MATN3: variants seen among roughly 807,000 people sequenced by gnomAD.
MATN3 encodes matrilin 3.
Under a neutral mutation model 45.3 loss-of-function variants are expected in MATN3, and 48 were observed. The ratio of observed to expected loss-of-function variants is 1.06; its 90% CI spans 0.84 to 1.35. MATN3 has a LOEUF of 1.35. MATN3 is among the 40% of genes most tolerant of loss of function. MATN3 has a pLI of 0.00. For missense variants in MATN3, 599 were observed against 628.0 expected (o/e 0.95, Z 0.49); for synonymous variants, 217 against 245.9 (o/e 0.88, Z 1.10).
chr2:20,006,204 G>A lies in MATN3; in HGVS notation c.330C>T (p.Ile110=), dbSNP rs201755444. 3.3e-4 allele frequency: 533 copies of A among 1,613,468 alleles called. 1 individual carries two copies. The Middle Eastern group carries it at 3.5e-3, about 10-fold the overall frequency. Residue 110 remains isoleucine, a synonymous_variant, in exon 2 of 8, where the codon ATC becomes ATT. Transcript: ENST00000407540. Reference sequence around the variant, plus strand: ...CGGCTGGCCCAATGTCCAGAGTGTCGATTATCCGGGAGACAAAAGTTTTCA... The same window carrying A: ...CGGCTGGCCCAATGTCCAGAGTGTCAATTATCCGGGAGACAAAAGTTTTCA... ...TKVKTFVSRI[I]DTLDIGPADT... is the part of the protein sequence containing the mutation.
intron 6 of MATN3, among the ~76,000 whole-genome samples, chr2:19,994,675 A>C (rs958128265): frequency 6.6e-6 from 1 of 152,198 alleles, no homozygotes; most frequent in Non-Finnish European, 1.5e-5. Context: ...TATTCTCTGT[A>C]CTTTTGTGAT....
chr2:19,996,044 C>T (rs1017283030), intron 6 of MATN3, among the ~76,000 whole-genome samples: 9 of 152,110 alleles, frequency 5.9e-5, no homozygotes, highest in East Asian at 3.9e-4. Context: ...CAGTGTCTGT[C>T]GTGCCTGATA....
In MATN3 at chr2:19,997,156, A is replaced by G. The variant is rs746429042; in HGVS notation, c.1272T>C (p.Asn424=). 7.4e-6 allele frequency: 12 copies of G among 1,613,826 alleles called. No homozygotes were observed. The highest frequency in any genetic ancestry group is 9.3e-6 in the Non-Finnish European group (11 of 1,179,844). The change falls in exon 6 of 8, where the codon AAT becomes AAC. Residue 424 remains asparagine (N), a synonymous_variant. Transcript: ENST00000407540. ...CACCTGAACATGTTTTCTTGTCCTC[A>G]TTTAAGGTGTAGCCAGGATAGCAAT... ...HCDCYPGYTL[N]EDKKTCSATE... is the part of the protein sequence containing the mutation.
In MATN3 at chr2:19,992,464, C is replaced by T. The variant is rs1672776713; in HGVS notation, c.*647G>A. 1 of 152,118 alleles carries T rather than the reference C, an allele frequency of 6.6e-6. No individual in the cohort carries two copies. Among genetic ancestry groups the T allele is most frequent in the Non-Finnish European group, 1.5e-5 (1 of 67,990 alleles). The allele number at this position is 152,118 out of a possible 1,614,324, so 9.4% of individuals were successfully genotyped here. A position where few individuals can be genotyped will look rare whatever the true frequency, so the allele number is the denominator to read the frequency against. On this transcript the variant is annotated 3_prime_UTR_variant, in exon 8 of 8. Transcript: ENST00000407540. ...TAAAAAGTTTAACACCCTAAATTCA[C>T]AACTAGTGCTCTTTAGTAGTACATT...
chr2:19,992,122 G>C lies in MATN3; in HGVS notation c.*989C>G, dbSNP rs1672769474. 1.3e-5 allele frequency: 2 copies of C among 152,016 alleles called. No homozygotes were observed. The highest frequency in any genetic ancestry group is 2.9e-5 in the Non-Finnish European group (2 of 67,986). The allele number at this position is 152,016 out of a possible 1,614,324, so 9.4% of individuals were successfully genotyped here. On this transcript the variant is annotated 3_prime_UTR_variant, in exon 8 of 8. Coordinates refer to ENST00000407540, the MANE Select transcript of MATN3 (RefSeq NM_002381.5). ...AAAATAGACATGATAATATGTAAAG[G>C]TAATAACTTTTATTATATTAAAGAC...
chr2:20,001,604 G>A (rs1479096941), intron 4 of MATN3, among the ~76,000 whole-genome samples: 3 of 152,116 alleles, frequency 2.0e-5, no homozygotes, highest in Non-Finnish European at 4.4e-5. Flanking sequence ...CTTAGTTAAG[G>A]TGATGTCTGC....
At chr2:19,993,196 ATTTT>A in intron 7 of MATN3, 30 bp from the exon 8 acceptor site, 1 of 1,499,618 alleles carries the variant, frequency 6.7e-7, no homozygotes, top group Non-Finnish European at 9.3e-7. Context: ...AACACCATTT[ATTTT>A]TACACATTAG....
Position 19,992,991 on chromosome 2 carries a change from A to T in MATN3, c.*120T>A. On this transcript the variant is annotated 3_prime_UTR_variant, in exon 8 of 8. Coordinates refer to ENST00000407540, the MANE Select transcript of MATN3 (RefSeq NM_002381.5). ...ACAATTTATCCAGTAATATTCAAGCATTAATACAGATAATGGCAAATTATT... is the reference window on the plus strand; with the variant it reads ...ACAATTTATCCAGTAATATTCAAGCTTTAATACAGATAATGGCAAATTATT... 1.3e-6 allele frequency: 1 copy of T among 775,388 alleles called. No individual in the cohort carries two copies. Among genetic ancestry groups the T allele is most frequent in the East Asian group, 2.5e-5 (1 of 39,830 alleles). 48.0% of individuals were successfully genotyped at this position (775,388 alleles called of 1,614,324 possible).
chr2:19,997,359 G>T (rs1367294024), intron 5 of MATN3, 100 bp from the exon 6 acceptor site: 2 of 1,302,470 alleles, frequency 1.5e-6, no homozygotes, highest in South Asian at 1.5e-5. Flanking sequence ...CCCCACAAGT[G>T]CTGAGAATGT....
At position 20,002,161 on chromosome 2, in the gene MATN3, T is replaced by TACACACACACACACACACACAC. The variant is rs35083474; in HGVS notation, c.917-103_917-82dup. ...TTGTGGGCCACGCCACTTACAGTTATACACACACACACACACACACACACA... is the reference window on the plus strand; with the variant it reads ...TTGTGGGCCACGCCACTTACAGTTATACACACACACACACACACACACACACACACACACACACACACACACA... On this transcript the variant is annotated intron_variant, in intron 3 of 7. Coordinates refer to ENST00000407540, the MANE Select transcript of MATN3 (RefSeq NM_002381.5). The TACACACACACACACACACACAC allele has an allele frequency of 3.9e-5, 25 of 647,674 alleles. No homozygotes were observed. In the African/African-American group the frequency reaches 4.0e-4, roughly 10 times the overall value. 40.1% of individuals were successfully genotyped at this position (647,674 alleles called of 1,614,324 possible).
At chr2:19,999,626 T>A (rs1384899774) in intron 5 of MATN3, among the ~76,000 whole-genome samples, 3 of 120,174 alleles carry the variant, frequency 2.5e-5, no homozygotes, top group Admixed American at 8.9e-5. Context: ...GGTTTCCCTT[T>A]AAAAAAAAAA....
intron 4 of MATN3, among the ~76,000 whole-genome samples, chr2:20,001,745 A>C (rs1332818911): frequency 6.6e-6 from 1 of 152,228 alleles, no homozygotes; most frequent in Non-Finnish European, 1.5e-5. Context: ...GCTACAGAGA[A>C]GGAAATGAGC....
At chr2:19,994,997 G>C (rs189031034) in intron 6 of MATN3, among the ~76,000 whole-genome samples, 1 of 152,302 alleles carries the variant, frequency 6.6e-6, no homozygotes, top group Admixed American at 6.5e-5. Context: ...GGCTGAGGCA[G>C]GAGGATCACT....
chr2:19,997,024 A>C (rs1388988649), intron 6 of MATN3, 110 bp downstream of exon 6: 7 of 1,192,830 alleles, frequency 5.9e-6, no homozygotes, highest in Non-Finnish European at 8.4e-6. Flanking sequence ...GCCACTGGAG[A>C]ATTCTGACAG....
intron 4 of MATN3, 81 bp downstream of exon 4, chr2:20,001,874 G>T: frequency 7.2e-7 from 1 of 1,381,138 alleles, no homozygotes; most frequent in Non-Finnish European, 1.0e-6. Flanking sequence ...CAACTTCCCA[G>T]TCAATGTGAC....
chr2:20,005,631 A>G, intron 2 of MATN3, 113 bp downstream of exon 2: 2 of 892,944 alleles, frequency 2.2e-6, no homozygotes, highest in South Asian at 3.7e-5. Flanking sequence ...CATTGGATAT[A>G]TTTAAGTTTT....
In MATN3 at chr2:19,995,857, T is replaced by G. The variant is rs180904900; in HGVS notation, c.1294+1277A>C. Among the ~76,000 whole-genome samples, 101 of 152,316 alleles carry G rather than the reference T, an allele frequency of 6.6e-4. 2 individuals are homozygous for G. Among genetic ancestry groups the G allele is most frequent in the Admixed American group, 5.6e-3 (86 of 15,296 alleles). On this transcript the variant is annotated intron_variant, in intron 6 of 7. Transcript: ENST00000407540. This position sits in a 1 kb window ranked among gnomAD's most constrained non-coding sequence, Gnocchi z 4.2. Reference sequence around the variant, plus strand: ...CAATATAGGGATGGGAGATCATAAATTCATTAAATATAATCTATCATCTAT... The same window carrying G: ...CAATATAGGGATGGGAGATCATAAAGTCATTAAATATAATCTATCATCTAT...
intron 2 of MATN3, among the ~76,000 whole-genome samples, chr2:20,005,334 A>C (rs1048312026): frequency 6.6e-6 from 1 of 152,176 alleles, no homozygotes; most frequent in African/African-American, 2.4e-5. Flanking sequence ...GTTCTGTTAG[A>C]TCTAGAGATG....
intron 7 of MATN3, 135 bp downstream of exon 7, chr2:19,994,164 G>A: frequency 1.7e-6 from 1 of 598,274 alleles, no homozygotes; most frequent in Non-Finnish European, 3.0e-6. Flanking sequence ...ATTTTTTAAA[G>A]TTGTATATTA....
Sources: allele counts gnomAD v4.1 joint callset (sites outside exome capture counted in the v4.1 genomes callset), GRCh38; gene constraint gnomAD v4.1.1; non-coding constraint Gnocchi (gnomAD v3.1); transcripts MANE v1.5; gene names NCBI Gene and HGNC (gene_info 2026-07-23, HGNC 2026-07-21).